Variants in AUTS2 observed in about 807,000 individuals in gnomAD.
AUTS2 encodes autism susceptibility gene 2 protein.
In AUTS2, 17 loss-of-function variants were observed where a neutral mutation model predicts 112.4. The ratio of observed to expected loss-of-function variants is 0.15; its 90% CI spans 0.10 to 0.23. The LOEUF (loss-of-function observed/expected upper bound fraction) is 0.23. AUTS2 is among the 10% of genes least tolerant of loss of function. The probability of loss-of-function intolerance (pLI) is 1.00; values close to 1 mark genes in which losing one functional copy is unlikely to be tolerated. For synonymous variants in AUTS2, 751 were observed against 702.7 expected (o/e 1.07, Z -1.09); for missense variants, 1,510 against 1,701.6 (o/e 0.89, Z 1.98).
chr7:70,707,217 A>G (rs752448814), intron 6 of AUTS2, among the ~76,000 whole-genome samples: 17 of 152,232 alleles, frequency 1.1e-4, no homozygotes, highest in Non-Finnish European at 2.1e-4. Flanking sequence ...TAGAAATAGC[A>G]TCTGCATTTT....
At chr7:69,737,400 A>G (rs1005151246) in intron 1 of AUTS2, among the ~76,000 whole-genome samples, 4 of 152,196 alleles carry the variant, frequency 2.6e-5, no homozygotes, top group African/African-American at 9.6e-5. Flanking sequence ...AAGAGAGGTT[A>G]GATAACTTGC....
chr7:69,716,828 A>G lies in AUTS2; in HGVS notation c.309+116866A>G, dbSNP rs540801640. On this transcript the variant is annotated intron_variant, in intron 1 of 18. Transcript: ENST00000342771. ...GAGTGACTCAGAGAACCCGGGGGGG[A>G]AAAATTTGCTTATGTTTGCCCACTT... Among the ~76,000 whole-genome samples, 311 of 151,994 alleles carry G rather than the reference A, an allele frequency of 2.0e-3. 1 individual carries two copies. The highest frequency in any genetic ancestry group is 6.8e-3 in the African/African-American group (282 of 41,454).
intron 5 of AUTS2, among the ~76,000 whole-genome samples, chr7:70,487,493 C>T (rs2116340421): frequency 6.6e-6 from 1 of 152,292 alleles, no homozygotes; most frequent in East Asian, 1.9e-4. Context: ...CATAGGGAGC[C>T]ATTACGATTA....
intron 2 of AUTS2, among the ~76,000 whole-genome samples, chr7:70,056,647 A>G (rs892884234): frequency 1.3e-5 from 2 of 152,202 alleles, no homozygotes; most frequent in African/African-American, 4.8e-5. Flanking sequence ...AGAACCAGGT[A>G]GAGTTTCTAC....
chr7:70,338,319 T>C (rs920827863), intron 4 of AUTS2, among the ~76,000 whole-genome samples: 1 of 152,198 alleles, frequency 6.6e-6, no homozygotes, highest in Non-Finnish European at 1.5e-5. Flanking sequence ...TGGTTTTGAT[T>C]GTCATGTGAA....
chr7:70,548,184 T>A (rs1246153749), intron 5 of AUTS2, among the ~76,000 whole-genome samples: 1 of 152,202 alleles, frequency 6.6e-6, no homozygotes, highest in Non-Finnish European at 1.5e-5. Flanking sequence ...AATAAGGGTG[T>A]TGAGCATCTT....
chr7:70,373,596 C>T (rs1456109391), intron 4 of AUTS2, among the ~76,000 whole-genome samples: 1 of 152,132 alleles, frequency 6.6e-6, no homozygotes, highest in Non-Finnish European at 1.5e-5. Context: ...GGGCAGTTAT[C>T]CTAAGAACGT....
intron 11 of AUTS2, among the ~76,000 whole-genome samples, chr7:70,772,677 C>T (rs1790429040): frequency 6.6e-6 from 1 of 152,232 alleles, no homozygotes; most frequent in Non-Finnish European, 1.5e-5. Flanking sequence ...CCTTCAAAAT[C>T]ACCTGCATTG....
chr7:69,780,972 A>G (rs1240492624), intron 1 of AUTS2, among the ~76,000 whole-genome samples: 2 of 152,248 alleles, frequency 1.3e-5, no homozygotes, highest in Non-Finnish European at 2.9e-5. Flanking sequence ...AATTAGAATT[A>G]TAGTTCAAAA....
chr7:70,189,060 A>G (rs1809750968), intron 4 of AUTS2, among the ~76,000 whole-genome samples: 2 of 152,152 alleles, frequency 1.3e-5, no homozygotes, highest in South Asian at 4.1e-4. Flanking sequence ...AACCTGGTGA[A>G]AAGAAAGACC....
chr7:70,682,178 G>A (rs1385853678), intron 5 of AUTS2, among the ~76,000 whole-genome samples: 1 of 152,230 alleles, frequency 6.6e-6, no homozygotes, highest in Non-Finnish European at 1.5e-5. Flanking sequence ...TCACAGAAGA[G>A]CTGTCAGATG....
chr7:70,062,368 C>A (rs1473181248), intron 2 of AUTS2, among the ~76,000 whole-genome samples: 1 of 151,882 alleles, frequency 6.6e-6, no homozygotes, highest in African/African-American at 2.4e-5. Flanking sequence ...CAAAAATTAT[C>A]TGGACATCGT....
At chr7:70,558,791 A>G (rs1003090848) in intron 5 of AUTS2, among the ~76,000 whole-genome samples, 6 of 152,228 alleles carry the variant, frequency 3.9e-5, no homozygotes, top group Non-Finnish European at 8.8e-5. Context: ...GATGGGAAAC[A>G]TTGCATCTTA....
chr7:70,702,385 AC>A (rs1466956496), intron 6 of AUTS2, among the ~76,000 whole-genome samples: 1 of 152,224 alleles, frequency 6.6e-6, no homozygotes, highest in Non-Finnish European at 1.5e-5. Flanking sequence ...CGTAACCAAG[AC>A]AAGTCACAGA....
chr7:69,706,586 C>T (rs1798069275), intron 1 of AUTS2, among the ~76,000 whole-genome samples: 1 of 152,200 alleles, frequency 6.6e-6, no homozygotes, highest in African/African-American at 2.4e-5. Flanking sequence ...ACTTAATTTA[C>T]TTGACTCAAA....
Position 69,870,448 on chromosome 7 carries a change from A to ATATATATATATATATAT in AUTS2, c.310-28838_310-28837insTATATATATATATATAT, listed in dbSNP as rs1554395050. 8.1e-3 allele frequency among the ~76,000 whole-genome samples: 641 copies of ATATATATATATATATAT among 78,968 alleles called. 14 individuals carry two copies. Among genetic ancestry groups the ATATATATATATATATAT allele is most frequent in the African/African-American group, 0.016 (369 of 22,642 alleles). The allele number at this position is 78,968 out of a possible 152,430, so 51.8% of individuals were successfully genotyped here. On this transcript the variant is annotated intron_variant, in intron 1 of 18. Transcript: ENST00000342771. ...TACATATCTGTGCGTATGTGTGTGTAATATATATATATATATATGTATTCA... is the reference window on the plus strand; with the variant it reads ...TACATATCTGTGCGTATGTGTGTGTATATATATATATATATATATATATATATATATATATGTATTCA...
intron 5 of AUTS2, among the ~76,000 whole-genome samples, chr7:70,552,945 A>G (rs985247612): frequency 5.9e-5 from 9 of 152,228 alleles, no homozygotes; most frequent in African/African-American, 1.7e-4. Context: ...AGCACTAGGT[A>G]TAGCATAGTG....
At chr7:70,522,718 A>G (rs938530096) in intron 5 of AUTS2, among the ~76,000 whole-genome samples, 1 of 152,156 alleles carries the variant, frequency 6.6e-6, no homozygotes, top group Admixed American at 6.5e-5. Context: ...ATGGGCACCT[A>G]GGTTGCTTCT....
intron 5 of AUTS2, among the ~76,000 whole-genome samples, chr7:70,591,754 A>G (rs1428990855): frequency 6.6e-6 from 1 of 152,150 alleles, no homozygotes; most frequent in African/African-American, 2.4e-5. Context: ...CACCTGCAAC[A>G]TACTTTGTAG....
Sources: gnomAD v4.1 joint callset for allele counts (sites outside exome capture counted in the v4.1 genomes callset) on GRCh38, gnomAD v4.1.1 for gene constraint, MANE v1.5 for transcripts, NCBI Gene and HGNC (gene_info 2026-07-23, HGNC 2026-07-21) for gene names.